Variants in C10orf90 observed in about 807,000 individuals in gnomAD.
The protein encoded by C10orf90 is chromosome 10 open reading frame 90.
Under a neutral mutation model 62.5 loss-of-function variants are expected in C10orf90, and 56 were observed. The observed-to-expected ratio is 0.90, with a 90% confidence interval of 0.72 to 1.12. The LOEUF (loss-of-function observed/expected upper bound fraction) is 1.12, where lower values mean the gene tolerates loss of function less well. Ranked by LOEUF, C10orf90 falls within the 50% of genes most tolerant of loss-of-function variation. The pLI, the probability that C10orf90 is intolerant of heterozygous loss-of-function variation, is 0.00. For synonymous variants in C10orf90, 386 were observed against 340.4 expected, an observed-to-expected ratio of 1.13 and a Z score of -1.47; for missense variants, 970 against 880.4, an observed-to-expected ratio of 1.10 and a Z score of -1.29.
chr10:126,455,132 T>C (rs970954821), intron 7 of C10orf90, among the ~76,000 whole-genome samples: 1 of 152,128 alleles, frequency 6.6e-6, no homozygotes, highest in Non-Finnish European at 1.5e-5. Context: ...TACCTGAAGC[T>C]ACACTACCAG....
At chr10:126,616,402 G>A (rs1419284949) in intron 2 of C10orf90, among the ~76,000 whole-genome samples, 1 of 152,168 alleles carries the variant, frequency 6.6e-6, no homozygotes, top group African/African-American at 2.4e-5. Flanking sequence ...GAGAAGTACG[G>A]CAATTAATTA....
At chr10:126,523,878 C>T (rs973052891) in intron 2 of C10orf90, among the ~76,000 whole-genome samples, 2 of 152,110 alleles carry the variant, frequency 1.3e-5, no homozygotes, top group Non-Finnish European at 2.9e-5. Flanking sequence ...CAGGGTTCAT[C>T]CGTGTTGTAG....
intron 4 of C10orf90, among the ~76,000 whole-genome samples, chr10:126,466,903 A>G (rs1860318663): frequency 2.0e-5 from 3 of 152,204 alleles, no homozygotes; most frequent in African/African-American, 7.2e-5. Context: ...TTATTTCAAA[A>G]CATTGGTTCT....
intron 2 of C10orf90, among the ~76,000 whole-genome samples, chr10:126,521,140 C>T (rs1333435686): frequency 5.3e-5 from 8 of 152,210 alleles, no homozygotes; most frequent in African/African-American, 1.7e-4. Context: ...CTGAGTGTCT[C>T]CCCAAGTTGG....
At chr10:126,569,153 C>T (rs969728597) in intron 2 of C10orf90, among the ~76,000 whole-genome samples, 4 of 152,036 alleles carry the variant, frequency 2.6e-5, no homozygotes, top group Non-Finnish European at 4.4e-5. Flanking sequence ...CCAAGGACAC[C>T]GCCTCTAATT....
At chr10:126,487,513 T>A (rs982884499) in intron 4 of C10orf90, among the ~76,000 whole-genome samples, 1 of 152,016 alleles carries the variant, frequency 6.6e-6, no homozygotes, top group African/African-American at 2.4e-5. Context: ...TAACAGAAAA[T>A]AATTGTCAAC....
intron 1 of C10orf90, among the ~76,000 whole-genome samples, chr10:126,666,642 C>A (rs898328022): frequency 3.9e-5 from 6 of 152,032 alleles, no homozygotes; most frequent in Admixed American, 3.9e-4. Flanking sequence ...CACTGAGTCA[C>A]AATGGCCATG....
intron 2 of C10orf90, among the ~76,000 whole-genome samples, chr10:126,599,368 T>C (rs1406995406): frequency 1.3e-5 from 2 of 151,636 alleles, no homozygotes; most frequent in Admixed American, 1.3e-4. Flanking sequence ...TGTATTTTTT[T>C]TTTCTTTTTT....
In C10orf90 at chr10:126,468,380, T is replaced by A. The variant is rs1860402414; in HGVS notation, c.1535-3394A>T. 5.9e-5 allele frequency among the ~76,000 whole-genome samples: 9 copies of A among 152,318 alleles called. 1 individual carries two copies. In the South Asian group the frequency reaches 1.9e-3, roughly 32 times the overall value. On this transcript the variant is annotated intron_variant, in intron 4 of 9. Coordinates refer to ENST00000488181, the MANE Select transcript of C10orf90 (RefSeq NM_001350921.2). ...CCGCGCCTGGCCAAAAGCTAGCTAT[T>A]TTAAGGTAAGGACATCATTGTATCT...
intron 4 of C10orf90, among the ~76,000 whole-genome samples, chr10:126,473,323 C>A (rs971866174): frequency 3.2e-4 from 48 of 152,216 alleles, no homozygotes; most frequent in African/African-American, 1.1e-3. Context: ...GTTGCCTAAC[C>A]AATATCCATT....
chr10:126,667,098 G>A (rs550463082), intron 1 of C10orf90, among the ~76,000 whole-genome samples: 3 of 151,132 alleles, frequency 2.0e-5, no homozygotes, highest in South Asian at 2.1e-4. Context: ...TTGCTCTGTC[G>A]CCCAGGCTGG....
intron 2 of C10orf90, among the ~76,000 whole-genome samples, chr10:126,592,200 T>A (rs1361784010): frequency 6.6e-6 from 1 of 152,152 alleles, no homozygotes; most frequent in Admixed American, 6.5e-5. Context: ...AAAACTATTT[T>A]AAAATTCATA....
chr10:126,623,934 C>T (rs1462316401), intron 2 of C10orf90, among the ~76,000 whole-genome samples: 1 of 151,608 alleles, frequency 6.6e-6, no homozygotes, highest in Non-Finnish European at 1.5e-5. Context: ...GCTTCTAGAA[C>T]AGAGTGAATA....
rs564711816 is a variant in C10orf90 at position 126,440,699 on chromosome 10, C to T, written c.2189-10849G>A. 3.0e-3 allele frequency among the ~76,000 whole-genome samples: 460 copies of T among 152,284 alleles called. 6 individuals carry two copies. The highest frequency in any genetic ancestry group is 0.01 in the African/African-American group (426 of 41,556). ...TATCCATGGCTGAGAGACCCACAGACGGTTAACATCACAGGACTCTGTGCA... is the reference window on the plus strand; with the variant it reads ...TATCCATGGCTGAGAGACCCACAGATGGTTAACATCACAGGACTCTGTGCA... On this transcript the variant is annotated intron_variant, in intron 7 of 9. Coordinates refer to ENST00000488181, the MANE Select transcript of C10orf90 (RefSeq NM_001350921.2).
chr10:126,618,783 A>T (rs7912774), intron 2 of C10orf90, among the ~76,000 whole-genome samples: 3,440 of 152,270 alleles, frequency 0.023, 136 homozygotes, highest in African/African-American at 0.076. Flanking sequence ...CCTCGTTCCC[A>T]TCCTCAAATT....
chr10:126,511,785 A>T (rs1863121590), intron 3 of C10orf90, among the ~76,000 whole-genome samples: 1 of 152,136 alleles, frequency 6.6e-6, no homozygotes, highest in Non-Finnish European at 1.5e-5. Context: ...AAATGTACAG[A>T]TATTTTCTTA....
At chr10:126,439,321 C>T (rs1858146769) in intron 7 of C10orf90, among the ~76,000 whole-genome samples, 1 of 152,178 alleles carries the variant, frequency 6.6e-6, no homozygotes, top group Non-Finnish European at 1.5e-5. Flanking sequence ...ACTTTTTTCC[C>T]CCAATGAAAC....
chr10:126,457,541 A>G (rs1259953737), intron 7 of C10orf90, among the ~76,000 whole-genome samples: 2 of 152,196 alleles, frequency 1.3e-5, no homozygotes, highest in Non-Finnish European at 2.9e-5. Context: ...ACCTGACTGA[A>G]AAGGAAGCCC....
intron 4 of C10orf90, among the ~76,000 whole-genome samples, chr10:126,476,972 T>C (rs1860909706): frequency 6.8e-6 from 1 of 146,234 alleles, no homozygotes. Flanking sequence ...TGCAGTGGCA[T>C]GATCTCGGCT....
Sources: gnomAD v4.1 joint callset for allele counts (sites outside exome capture counted in the v4.1 genomes callset) on GRCh38, gnomAD v4.1.1 for gene constraint, MANE v1.5 for transcripts, NCBI Gene and HGNC (gene_info 2026-07-23, HGNC 2026-07-21) for gene names.